The following SEMA4A variants were observed in gnomAD, a reference collection of about 807,000 sequenced individuals.
SEMA4A encodes the protein semaphorin-4A.
In SEMA4A, 52 loss-of-function variants were observed where a neutral mutation model predicts 72.5. The ratio of observed to expected loss-of-function variants is 0.72; its 90% CI spans 0.57 to 0.90. The LOEUF is 0.90. SEMA4A is among the 40% of genes least tolerant of loss of function. The pLI is 0.00. For synonymous variants in SEMA4A, 369 were observed against 393.1 expected (o/e 0.94, Z 0.73); for missense variants, 926 against 959.7 (o/e 0.96, Z 0.46).
intron 10 of SEMA4A, among the ~76,000 whole-genome samples, chr1:156,167,205 A>G (rs1172517645): frequency 2.0e-5 from 3 of 151,844 alleles, no homozygotes. Flanking sequence ...AAAGAAATTT[A>G]AGACCAGGTA....
At chr1:156,165,578 G>A (rs1211932379) in intron 10 of SEMA4A, among the ~76,000 whole-genome samples, 1 of 152,056 alleles carries the variant, frequency 6.6e-6, no homozygotes, top group Non-Finnish European at 1.5e-5. Flanking sequence ...CTAGCTTCCA[G>A]AGGTACTGTT....
At chr1:156,172,032 C>G (rs1462500460) in intron 10 of SEMA4A, among the ~76,000 whole-genome samples, 2 of 151,908 alleles carry the variant, frequency 1.3e-5, no homozygotes, top group African/African-American at 2.4e-5. Context: ...GATCCGCCAG[C>G]CTCGGCCTCC....
At chr1:156,168,171 G>A (rs1396657244) in intron 10 of SEMA4A, among the ~76,000 whole-genome samples, 2 of 151,922 alleles carry the variant, frequency 1.3e-5, no homozygotes, top group Admixed American at 1.3e-4. Context: ...TGATCCACCC[G>A]CCTCGGCCTC....
chr1:156,170,634 A>G (rs549335044), intron 10 of SEMA4A, among the ~76,000 whole-genome samples: 7 of 151,684 alleles, frequency 4.6e-5, no homozygotes, highest in Non-Finnish European at 8.8e-5. Context: ...GGCGCCTGTA[A>G]TCCCAGCTAC....
Position 156,160,533 on chromosome 1 carries a change from C to G in SEMA4A, c.659C>G (p.Thr220Ser). 6.2e-7 allele frequency: 1 copy of G among 1,614,150 alleles called. No individual in the cohort carries two copies. The highest frequency in any genetic ancestry group is 8.5e-7 in the Non-Finnish European group (1 of 1,180,002). The change falls in exon 7 of 15, where the codon ACC (threonine) becomes AGC (serine). Residue 220 changes from threonine to serine, a missense_variant. Coordinates refer to ENST00000368285, the MANE Select transcript of SEMA4A (RefSeq NM_022367.4). ...RTLGSQPVLK[T>S]DNFLRWLHHD... ...CTGGGATCCCAGCCTGTCCTCAAGA[C>G]CGACAACTTCCTCCGCTGGCTGCAT...
chr1:156,160,426 C>T lies in SEMA4A; in HGVS notation c.569-17C>T, dbSNP rs779104824. On this transcript the variant is annotated splice_polypyrimidine_tract_variant and intron_variant, in intron 6 of 14. Coordinates refer to ENST00000368285, the MANE Select transcript of SEMA4A (RefSeq NM_022367.4). ...CTCCACCCCATCAGTTCTCTCTTCTCCTCTCCTCCACCCTAGATGGGATGC... is the reference window on the plus strand; with the variant it reads ...CTCCACCCCATCAGTTCTCTCTTCTTCTCTCCTCCACCCTAGATGGGATGC... The T allele has an allele frequency of 6.3e-6, 10 of 1,593,918 alleles. No homozygotes were observed. Among genetic ancestry groups the T allele is most frequent in the South Asian group, 2.2e-5 (2 of 90,630 alleles).
intron 10 of SEMA4A, among the ~76,000 whole-genome samples, chr1:156,166,021 C>T (rs749079281): frequency 4.6e-5 from 7 of 151,262 alleles, no homozygotes; most frequent in African/African-American, 7.3e-5. Flanking sequence ...CTTCTCCTGC[C>T]TCAGCTTCCC....
At chr1:156,159,474 T>C (rs1326120468) in intron 6 of SEMA4A, among the ~76,000 whole-genome samples, 1 of 151,956 alleles carries the variant, frequency 6.6e-6, no homozygotes, top group East Asian at 1.9e-4. Context: ...TGGAGAAAGA[T>C]GCATGTGGAG....
At chr1:156,171,791 A>G (rs896194563) in intron 10 of SEMA4A, among the ~76,000 whole-genome samples, 2 of 150,898 alleles carry the variant, frequency 1.3e-5, no homozygotes, top group African/African-American at 2.4e-5. Context: ...TAATTTATTT[A>G]TTTTGTTTTT....
chr1:156,166,928 CA>C (rs111620474), intron 10 of SEMA4A, among the ~76,000 whole-genome samples: 92,324 of 147,666 alleles, frequency 0.63, 28,884 homozygotes, highest in African/African-American at 0.68. Flanking sequence ...GACTTCATCT[CA>C]AAAAAAAAAA....
rs2102960395 is a variant in SEMA4A at position 156,161,335 on chromosome 1, T to G, written c.811-11T>G. 6 of 1,136,998 alleles carry G rather than the reference T, an allele frequency of 5.3e-6. No individual in the cohort carries two copies. The highest frequency in any genetic ancestry group is 7.4e-6 in the Non-Finnish European group (6 of 812,974). 70.4% of individuals were successfully genotyped at this position (1,136,998 alleles called of 1,614,324 possible). A position where few individuals can be genotyped will look rare whatever the true frequency, so the allele number is the denominator to read the frequency against. On this transcript the variant is annotated splice_polypyrimidine_tract_variant and intron_variant, in intron 8 of 14. Transcript: ENST00000368285. ...GCCCGGGGCGCCCCCTGACTCCCCC[T>G]GTGCCCCCAGAATGACGTGGGCGGC... is the stretch of plus-strand genomic sequence containing the variant.
intron 11 of SEMA4A, among the ~76,000 whole-genome samples, chr1:156,173,564 G>A (rs900644053): frequency 6.6e-6 from 1 of 152,002 alleles, no homozygotes; most frequent in Non-Finnish European, 1.5e-5. Context: ...GGGAGCAGGC[G>A]GCCAGAGTCC....
upstream of SEMA4A, among the ~76,000 whole-genome samples, chr1:156,149,466 G>A (rs557869169): frequency 7.5e-4 from 114 of 152,312 alleles, no homozygotes; most frequent in Non-Finnish European, 1.2e-3. Context: ...CCTGAACCTG[G>A]CAGTGGACCC....
intron 6 of SEMA4A, among the ~76,000 whole-genome samples, chr1:156,159,332 TCAAAACAAAA>T (rs1653361524): frequency 6.6e-6 from 1 of 151,648 alleles, no homozygotes; most frequent in African/African-American, 2.4e-5. Context: ...AGACTCTGTC[TCAAAACAAAA>T]CAAAACAGAA....
At chr1:156,175,395 T>G (rs1416623700) in intron 13 of SEMA4A, 152 bp downstream of exon 13, 6 of 1,192,718 alleles carry the variant, frequency 5.0e-6, no homozygotes, top group Non-Finnish European at 6.2e-6. Flanking sequence ...GGATGGAGTT[T>G]CCAGGCAGTT....
At chr1:156,156,224 G>A (rs1339264453) in intron 2 of SEMA4A, 190 bp from the exon 3 acceptor site, 2 of 643,970 alleles carry the variant, frequency 3.1e-6, no homozygotes, top group Non-Finnish European at 5.7e-6. Flanking sequence ...TCTACTGCGG[G>A]CTCAGCACAC....
At chr1:156,164,665 A>G (rs149795544) in intron 10 of SEMA4A, among the ~76,000 whole-genome samples, 65 of 152,280 alleles carry the variant, frequency 4.3e-4, no homozygotes, top group African/African-American at 1.3e-3. Context: ...TATTTATATT[A>G]TGACTCTTCT....
intron 6 of SEMA4A, among the ~76,000 whole-genome samples, chr1:156,160,162 G>A (rs917044904): frequency 1.3e-5 from 2 of 152,158 alleles, no homozygotes; most frequent in African/African-American, 4.8e-5. Flanking sequence ...TACTTGGCAA[G>A]TGGTTCAGCT....
rs1282889637 is a variant in SEMA4A, at chr1:156,176,936, G to T, written c.2225G>T (p.Cys742Phe). The T allele has an allele frequency of 1.8e-5, 29 of 1,614,100 alleles. No individual in the cohort carries two copies. The highest frequency in any genetic ancestry group is 2.4e-5 in the Non-Finnish European group (28 of 1,180,038). ...REQHLQSPKE[C>F]RTSASDVDAD... ...CAACACCTCCAGTCTCCCAAGGAAT[G>T]CAGGACCTCTGCCAGTGATGTGGAC... The change falls in exon 15 of 15, where the codon TGC becomes TTC. Residue 742 changes from cysteine to phenylalanine, a missense_variant. Transcript: ENST00000368285.
Sources: gnomAD v4.1 joint callset for allele counts (sites outside exome capture counted in the v4.1 genomes callset) on GRCh38, gnomAD v4.1.1 for gene constraint, MANE v1.5 for transcripts, NCBI Gene and HGNC (gene_info 2026-07-23, HGNC 2026-07-21) for gene names.